PDHX: variants seen among roughly 807,000 people sequenced by gnomAD.
The protein encoded by PDHX is pyruvate dehydrogenase complex component X.
Under a neutral mutation model 55.3 loss-of-function variants are expected in PDHX, and 33 were observed. That is an observed-to-expected ratio of 0.60 (90% CI 0.45 to 0.80). PDHX has a LOEUF of 0.80. PDHX is among the 30% of genes least tolerant of loss of function. PDHX has a pLI of 0.00. For missense variants in PDHX, 622 were observed against 619.9 expected (o/e 1.00, Z -0.04); for synonymous variants, 226 against 219.4 (o/e 1.03, Z -0.27).
intron 7 of PDHX, among the ~76,000 whole-genome samples, chr11:34,977,465 T>C (rs1352413086): frequency 6.6e-6 from 1 of 152,154 alleles, no homozygotes; most frequent in East Asian, 1.9e-4. Context: ...CATAAAACTA[T>C]GGATGGAGAA....
chr11:34,918,063 A>T (rs909838074), intron 1 of PDHX, among the ~76,000 whole-genome samples: 1 of 152,132 alleles, frequency 6.6e-6, no homozygotes, highest in African/African-American at 2.4e-5. Flanking sequence ...GAGTGCTCTT[A>T]ATCTTGTTTA....
intron 1 of PDHX, among the ~76,000 whole-genome samples, chr11:34,921,444 A>AACTG (rs111687997): frequency 0.77 from 116,102 of 151,098 alleles, 44,682 homozygotes; most frequent in East Asian, 0.81. Flanking sequence ...TGAATAGAGA[A>AACTG]ACTGACCCAA....
intron 7 of PDHX, among the ~76,000 whole-genome samples, chr11:34,976,793 G>A (rs1248352852): frequency 6.6e-6 from 1 of 152,114 alleles, no homozygotes; most frequent in Non-Finnish European, 1.5e-5. Context: ...GTGGACTTAG[G>A]TGGTAGGTTT....
chr11:34,992,341 A>G lies in PDHX; in HGVS notation c.1209A>G (p.Gly403=), dbSNP rs1855773281. 2 of 1,603,958 alleles carry G rather than the reference A, an allele frequency of 1.2e-6. No individual in the cohort carries two copies. The highest frequency in any genetic ancestry group is 2.2e-5 in the South Asian group (2 of 90,820). ...VKALSKKARD[G]KLLPEEYQGG... Reference sequence around the variant, plus strand: ...CTCTATCAAAGAAAGCAAGAGATGGAAAATTGTTGCCTGAAGAATACCAAG... The same window carrying G: ...CTCTATCAAAGAAAGCAAGAGATGGGAAATTGTTGCCTGAAGAATACCAAG... Residue 403 remains glycine, a synonymous_variant, in exon 10 of 11, where the codon GGA becomes GGG. Coordinates refer to ENST00000227868, the MANE Select transcript of PDHX (RefSeq NM_003477.3).
chr11:34,947,488 C>T lies in PDHX; in HGVS notation c.242-18C>T, dbSNP rs767103142. 6.4e-7 allele frequency: 1 copy of T among 1,556,056 alleles called. No homozygotes were observed. Among genetic ancestry groups the T allele is most frequent in the Non-Finnish European group, 8.9e-7 (1 of 1,127,588 alleles). ...TTTATATTTTAAAAAACAAAACAAA[C>T]CCAGTCTTGTTTTGTAGGTGAAGCG... On this transcript the variant is annotated intron_variant, in intron 2 of 10. Coordinates refer to ENST00000227868, the MANE Select transcript of PDHX (RefSeq NM_003477.3).
At chr11:34,983,648 A>T (rs1855573188) in intron 8 of PDHX, among the ~76,000 whole-genome samples, 1 of 151,748 alleles carries the variant, frequency 6.6e-6, no homozygotes, top group Admixed American at 6.5e-5. Context: ...ACAGAGAGCC[A>T]AATCATGAGT....
At chr11:34,956,358 T>C (rs1396110914) in intron 3 of PDHX, among the ~76,000 whole-genome samples, 6 of 152,198 alleles carry the variant, frequency 3.9e-5, no homozygotes, top group African/African-American at 1.2e-4. Context: ...GTTACTCTGA[T>C]ATGTCAAACT....
chr11:34,978,967 C>T (rs1287799048), intron 8 of PDHX, among the ~76,000 whole-genome samples: 1 of 152,008 alleles, frequency 6.6e-6, no homozygotes, highest in Non-Finnish European at 1.5e-5. Context: ...AGAATGTAGC[C>T]TGTGGAGAGG....
intron 9 of PDHX, among the ~76,000 whole-genome samples, chr11:34,989,605 G>A (rs1855719030): frequency 6.6e-6 from 1 of 152,156 alleles, no homozygotes. Flanking sequence ...TTCTCACTAA[G>A]AGACATACTA....
intron 3 of PDHX, among the ~76,000 whole-genome samples, chr11:34,953,821 G>A (rs1442655107): frequency 6.6e-6 from 1 of 152,186 alleles, no homozygotes; most frequent in Non-Finnish European, 1.5e-5. Flanking sequence ...CTATAAATGG[G>A]AATAATGATA....
At chr11:34,951,477 G>A (rs1322561800) in intron 3 of PDHX, among the ~76,000 whole-genome samples, 1 of 151,994 alleles carries the variant, frequency 6.6e-6, no homozygotes, top group African/African-American at 2.4e-5. Context: ...TGTGTCTTTT[G>A]GCTGCATAAA....
In PDHX at chr11:34,995,084, G is replaced by C. The variant is rs755241681; in HGVS notation, c.1418G>C (p.Ser473Thr). Reference protein sequence around the residue: ...QRQLITVTMSSDSRVVDDELA... With the variant: ...QRQLITVTMSTDSRVVDDELA... Reference sequence around the variant, plus strand: ...CAGCTCATAACAGTCACAATGTCAAGTGACAGTCGAGTGGTTGATGACGAA... The same window carrying C: ...CAGCTCATAACAGTCACAATGTCAACTGACAGTCGAGTGGTTGATGACGAA... The change falls in exon 11 of 11, where the codon AGT becomes ACT. Residue 473 changes from serine to threonine, a missense_variant. Physicochemically the swap from Ser to Thr is moderately conservative, Grantham distance 58 (BLOSUM62 1). Coordinates refer to ENST00000227868, the MANE Select transcript of PDHX (RefSeq NM_003477.3). 7 of 1,613,938 alleles carry C rather than the reference G, an allele frequency of 4.3e-6. No homozygotes were observed. Among genetic ancestry groups the C allele is most frequent in the Non-Finnish European group, 5.9e-6 (7 of 1,179,972 alleles).
intron 8 of PDHX, among the ~76,000 whole-genome samples, chr11:34,980,241 G>C (rs1055639142): frequency 6.7e-6 from 1 of 149,592 alleles, no homozygotes; most frequent in Non-Finnish European, 1.5e-5. Flanking sequence ...TATATTCTTA[G>C]CTTGTATTGT....
At chr11:34,919,445 T>G (rs748686956) in intron 1 of PDHX, among the ~76,000 whole-genome samples, 17 of 152,240 alleles carry the variant, frequency 1.1e-4, no homozygotes, top group Non-Finnish European at 2.5e-4. Flanking sequence ...GGAACTACCT[T>G]TGGAGTTTTA....
chr11:34,970,700 A>G (rs1054977946), intron 7 of PDHX, among the ~76,000 whole-genome samples: 2 of 152,212 alleles, frequency 1.3e-5, no homozygotes, highest in Non-Finnish European at 2.9e-5. Flanking sequence ...TCAAGATGTG[A>G]AACTTTTTGA....
chr11:34,940,239 T>A (rs1854441228), intron 2 of PDHX, among the ~76,000 whole-genome samples: 1 of 152,238 alleles, frequency 6.6e-6, no homozygotes, highest in African/African-American at 2.4e-5. Context: ...GTAGTAAGCA[T>A]GCTTAACAGT....
At chr11:34,977,805 A>G (rs117341628) in intron 7 of PDHX, 3 of 470,300 alleles carry the variant, frequency 6.4e-6, no homozygotes, top group African/African-American at 2.0e-5. Context: ...TTTTCGAGAC[A>G]TAGGAGTTAG....
intron 2 of PDHX, among the ~76,000 whole-genome samples, chr11:34,944,078 T>C (rs1186151061): frequency 1.2e-5 from 1 of 81,396 alleles, no homozygotes; most frequent in Non-Finnish European, 3.1e-5. Context: ...ATAATACAAA[T>C]ATGTGTGTGT....
At chr11:34,976,604 T>C (rs2767037) in intron 7 of PDHX, among the ~76,000 whole-genome samples, 122,213 of 152,050 alleles carry the variant, frequency 0.8, 49,319 homozygotes, top group African/African-American at 0.84. Flanking sequence ...CTGGAACTTC[T>C]AGCCTGGGGA....
Sources: gnomAD v4.1 joint callset for allele counts (sites outside exome capture counted in the v4.1 genomes callset) on GRCh38, gnomAD v4.1.1 for gene constraint, MANE v1.5 for transcripts, NCBI Gene and HGNC (gene_info 2026-07-23, HGNC 2026-07-21) for gene names.